Variants in GPC6 observed in about 807,000 individuals in gnomAD.
GPC6 encodes the protein glypican 6, also known as glypican-6.
In GPC6, 14 loss-of-function variants were observed where a neutral mutation model predicts 55.2. The observed-to-expected ratio is 0.25, with a 90% CI of 0.17 to 0.40. The LOEUF is 0.40. GPC6 is among the 10% of genes least tolerant of loss of function. The pLI is 1.00. For missense variants in GPC6, 641 were observed against 708.5 expected, an observed-to-expected ratio of 0.90 and a Z score of 1.08; for synonymous variants, 278 against 259.6, an observed-to-expected ratio of 1.07 and a Z score of -0.68.
At chr13:93,670,146 A>T (rs1032722996) in intron 2 of GPC6, among the ~76,000 whole-genome samples, 2 of 152,166 alleles carry the variant, frequency 1.3e-5, no homozygotes, top group Admixed American at 6.5e-5. Flanking sequence ...GCCTGGCCTT[A>T]CTAGCTCCTA....
At chr13:93,818,131 A>G (rs1299352092) in intron 2 of GPC6, among the ~76,000 whole-genome samples, 3 of 148,622 alleles carry the variant, frequency 2.0e-5, no homozygotes, top group African/African-American at 7.3e-5. Flanking sequence ...ACACACACAC[A>G]TAGTTTAAAA....
At chr13:93,704,057 A>T (rs894642901) in intron 2 of GPC6, among the ~76,000 whole-genome samples, 2 of 151,984 alleles carry the variant, frequency 1.3e-5, no homozygotes, top group Admixed American at 6.6e-5. Flanking sequence ...ATAGTTTTTA[A>T]AAAGGCATTA....
intron 3 of GPC6, among the ~76,000 whole-genome samples, chr13:93,987,941 C>A (rs1489660413): frequency 6.6e-6 from 1 of 152,094 alleles, no homozygotes; most frequent in Non-Finnish European, 1.5e-5. Flanking sequence ...TGCCTCCTTG[C>A]CTCTTGTCCT....
intron 1 of GPC6, among the ~76,000 whole-genome samples, chr13:93,295,621 T>C (rs9301865): frequency 0.63 from 95,580 of 151,776 alleles, 30,689 homozygotes; most frequent in East Asian, 0.78. Context: ...GCTGGGACTA[T>C]AGGCGCCTGC....
intron 2 of GPC6, among the ~76,000 whole-genome samples, chr13:93,561,309 C>T (rs1008929091): frequency 6.6e-6 from 1 of 150,608 alleles, no homozygotes; most frequent in Non-Finnish European, 1.5e-5. Context: ...ATATTTTAAA[C>T]ATTGGAAGTG....
At chr13:93,415,030 C>A (rs2139250189) in intron 1 of GPC6, among the ~76,000 whole-genome samples, 1 of 152,222 alleles carries the variant, frequency 6.6e-6, no homozygotes, top group African/African-American at 2.4e-5. Context: ...TTGATAGCCT[C>A]CGGGGCTTTT....
chr13:93,320,993 G>T (rs1879418406), intron 1 of GPC6, among the ~76,000 whole-genome samples: 1 of 152,048 alleles, frequency 6.6e-6, no homozygotes, highest in Non-Finnish European at 1.5e-5. Flanking sequence ...AAATGAAAAG[G>T]TTCACTTTAA....
chr13:94,406,539 G>T lies in GPC6; in HGVS notation c.*3322G>T, dbSNP rs1881375734. 1 of 152,108 alleles carries T rather than the reference G, an allele frequency of 6.6e-6. No individual in the cohort carries two copies. 9.4% of individuals were successfully genotyped at this position (152,108 alleles called of 1,614,324 possible). On this transcript the variant is annotated 3_prime_UTR_variant, in exon 9 of 9. Coordinates refer to ENST00000377047, the MANE Select transcript of GPC6 (RefSeq NM_005708.5). ...TGTAAGGGATAGAAAATACTATTTT[G>T]TCTACACTGAAAAACATTATTATTC...
chr13:94,204,707 T>C (rs927987480), intron 4 of GPC6, among the ~76,000 whole-genome samples: 1 of 152,196 alleles, frequency 6.6e-6, no homozygotes, highest in African/African-American at 2.4e-5. Flanking sequence ...CTGGTTGCAC[T>C]ACATGAGCAG....
chr13:93,558,090 G>A (rs1214620151), intron 2 of GPC6, among the ~76,000 whole-genome samples: 1 of 152,162 alleles, frequency 6.6e-6, no homozygotes. Flanking sequence ...AGTATAGGAG[G>A]TGCGTTGTAT....
At chr13:93,691,288 A>G (rs1229697642) in intron 2 of GPC6, among the ~76,000 whole-genome samples, 1 of 152,126 alleles carries the variant, frequency 6.6e-6, no homozygotes, top group East Asian at 1.9e-4. Context: ...TAGAGAAGTG[A>G]TCTACCAAAA....
intron 4 of GPC6, among the ~76,000 whole-genome samples, chr13:94,091,957 TTTTA>T (rs1338966586): frequency 1.7e-4 from 25 of 150,812 alleles, no homozygotes; most frequent in African/African-American, 3.7e-4. Context: ...CCCAAGCTTA[TTTTA>T]TTTATTTTCC....
At chr13:93,576,175 A>G (rs1389967155) in intron 2 of GPC6, among the ~76,000 whole-genome samples, 1 of 152,070 alleles carries the variant, frequency 6.6e-6, no homozygotes. Context: ...ATAGTGAGAG[A>G]AAAGATTTAA....
At chr13:93,560,119 A>G (rs1365408796) in intron 2 of GPC6, among the ~76,000 whole-genome samples, 1 of 152,146 alleles carries the variant, frequency 6.6e-6, no homozygotes, top group East Asian at 1.9e-4. Flanking sequence ...TTATTGGATT[A>G]ATCCGGTTCT....
At chr13:93,764,831 G>T (rs1313085642) in intron 2 of GPC6, among the ~76,000 whole-genome samples, 2 of 152,034 alleles carry the variant, frequency 1.3e-5, no homozygotes, top group African/African-American at 4.8e-5. Context: ...ACAGAGTCTT[G>T]CTCTCTTGCC....
intron 2 of GPC6, among the ~76,000 whole-genome samples, chr13:93,623,450 C>CTTTTTTTTT (rs1262712004): frequency 4.5e-5 from 3 of 66,252 alleles, no homozygotes; most frequent in African/African-American, 1.2e-4. Flanking sequence ...CTTTTCTTTT[C>CTTTTTTTTT]TTTTCTTTTT....
At chr13:93,795,307 A>T (rs1001146896) in intron 2 of GPC6, among the ~76,000 whole-genome samples, 1 of 152,206 alleles carries the variant, frequency 6.6e-6, no homozygotes, top group Non-Finnish European at 1.5e-5. Context: ...AAAATTAGGA[A>T]TGCCTTTGTT....
chr13:94,386,884 A>T (rs901595358), intron 7 of GPC6, among the ~76,000 whole-genome samples: 15 of 152,280 alleles, frequency 9.9e-5, no homozygotes, highest in African/African-American at 3.6e-4. Context: ...TTTCCTGATT[A>T]CTTTCTGAAT....
At chr13:94,401,306 A>C (rs9561551) in intron 8 of GPC6, among the ~76,000 whole-genome samples, 33,228 of 152,144 alleles carry the variant, frequency 0.22, 3,823 homozygotes, top group Admixed American at 0.28. Context: ...GGAGATAAAC[A>C]GTAAGCAAGT....
Sources: gnomAD v4.1 joint callset for allele counts (sites outside exome capture counted in the v4.1 genomes callset) on GRCh38, gnomAD v4.1.1 for gene constraint, MANE v1.5 for transcripts, NCBI Gene and HGNC (gene_info 2026-07-23, HGNC 2026-07-21) for gene names.